The following AK4 variants were observed in gnomAD, a reference collection of about 807,000 sequenced individuals.
The protein encoded by AK4 is adenylate kinase 4, mitochondrial.
In AK4, 13 loss-of-function variants were observed where a neutral mutation model predicts 24.6. That is an observed-to-expected ratio of 0.53 (90% CI 0.34 to 0.84). The LOEUF is 0.84. AK4 is among the 40% of genes least tolerant of loss of function. AK4 has a pLI of 0.01. For missense variants in AK4, 192 were observed against 288.2 expected, an observed-to-expected ratio of 0.67 and a Z score of 2.42; for synonymous variants, 88 against 107.0, an observed-to-expected ratio of 0.82 and a Z score of 1.10.
At chr1:65,215,639 T>C (rs539637155) in intron 2 of AK4, among the ~76,000 whole-genome samples, 5 of 152,340 alleles carry the variant, frequency 3.3e-5, no homozygotes, top group African/African-American at 1.2e-4. Flanking sequence ...CTGTGGTCTT[T>C]AGCAGGTCTG....
intron 1 of AK4, among the ~76,000 whole-genome samples, chr1:65,152,326 C>G (rs1427209400): frequency 3.0e-4 from 9 of 29,630 alleles, no homozygotes; most frequent in Non-Finnish European, 3.5e-4. Context: ...ATCTCTCTCT[C>G]TCTCTCTCTC....
intron 1 of AK4, among the ~76,000 whole-genome samples, chr1:65,163,161 G>A (rs923618918): frequency 2.0e-5 from 3 of 152,162 alleles, no homozygotes; most frequent in East Asian, 1.9e-4. Context: ...GTAACTCGAC[G>A]TTTAATAGTT....
At chr1:65,183,718 G>T (rs918324357) in intron 1 of AK4, among the ~76,000 whole-genome samples, 1 of 149,002 alleles carries the variant, frequency 6.7e-6, no homozygotes, top group African/African-American at 2.5e-5. Flanking sequence ...TGTTCTCATG[G>T]TTTTTCTAAA....
Position 65,229,730 on chromosome 1 carries a change from C to T in AK4, c.*3553C>T, listed in dbSNP as rs907646795. ...GGCTAATCTATGAAGGAAGCAAGCTCGTGTTCCTTACCTATCCTTTTGGTG... is the reference window on the plus strand; with the variant it reads ...GGCTAATCTATGAAGGAAGCAAGCTTGTGTTCCTTACCTATCCTTTTGGTG... On this transcript the variant is annotated 3_prime_UTR_variant, in exon 5 of 5. Coordinates refer to ENST00000327299, the MANE Select transcript of AK4 (RefSeq NM_013410.4). The T allele has an allele frequency of 1.3e-5, 2 of 152,206 alleles. No homozygotes were observed. Among genetic ancestry groups the T allele is most frequent in the Non-Finnish European group, 2.9e-5 (2 of 68,050 alleles). The allele number at this position is 152,206 out of a possible 1,614,324, so 9.4% of individuals were successfully genotyped here. A position where few individuals can be genotyped will look rare whatever the true frequency, so the allele number is the denominator to read the frequency against.
intron 1 of AK4, among the ~76,000 whole-genome samples, chr1:65,180,087 T>C (rs1290311960): frequency 1.3e-5 from 2 of 152,194 alleles, no homozygotes; most frequent in Non-Finnish European, 2.9e-5. Context: ...CTTTAAGTGG[T>C]GCCAGGATTT....
At position 65,177,520 on chromosome 1, in the gene AK4, A is replaced by C. The variant is rs368119971; in HGVS notation, c.146-13190A>C. Among the ~76,000 whole-genome samples the C allele has an allele frequency of 2.8e-4, 43 of 152,300 alleles. 1 individual carries two copies. Among genetic ancestry groups the C allele is most frequent in the African/African-American group, 1.0e-3 (43 of 41,570 alleles). ...GTGAAGCCTTGTACAACCTTCCTTGAGGTGACTTCCGCGTACCTATATGTT... is the reference window on the plus strand; with the variant it reads ...GTGAAGCCTTGTACAACCTTCCTTGCGGTGACTTCCGCGTACCTATATGTT... On this transcript the variant is annotated intron_variant, in intron 1 of 4. Transcript: ENST00000327299.
rs570582445 is a variant in AK4, at chr1:65,229,137, C to T, written c.*2960C>T. The T allele has an allele frequency of 3.9e-5, 6 of 152,184 alleles. No homozygotes were observed. In the South Asian group the frequency reaches 1.2e-3, roughly 32 times the overall value. The allele number at this position is 152,184 out of a possible 1,614,324, so 9.4% of individuals were successfully genotyped here. The stretch of plus-strand genomic sequence containing the variant: ...GTGACCAGTGTAGCCAGGACTCCAG[C>T]CCAGGTTTTCCTGACTCAGAAGACT... On this transcript the variant is annotated 3_prime_UTR_variant, in exon 5 of 5. Transcript: ENST00000327299.
chr1:65,225,654 C>T (rs1464825676), intron 4 of AK4, among the ~76,000 whole-genome samples: 2 of 152,152 alleles, frequency 1.3e-5, no homozygotes, highest in African/African-American at 4.8e-5. Context: ...CAAAATTTAG[C>T]AAACCTTAAG....
chr1:65,171,547 T>G (rs1650525314), intron 1 of AK4, among the ~76,000 whole-genome samples: 1 of 151,938 alleles, frequency 6.6e-6, no homozygotes, highest in Non-Finnish European at 1.5e-5. Flanking sequence ...CCTCCTGATC[T>G]GCCCACCTCG....
chr1:65,166,752 C>G, intron 1 of AK4, among the ~76,000 whole-genome samples: 1 of 152,198 alleles, frequency 6.6e-6, no homozygotes, highest in Non-Finnish European at 1.5e-5. Flanking sequence ...AACTCCTGGA[C>G]TCAAGCAGTT....
intron 1 of AK4, among the ~76,000 whole-genome samples, chr1:65,184,125 T>C (rs1171165294): frequency 6.6e-6 from 1 of 152,256 alleles, no homozygotes; most frequent in Non-Finnish European, 1.5e-5. Context: ...TTCTCAAGGT[T>C]ACCAAGATTA....
intron 1 of AK4, among the ~76,000 whole-genome samples, chr1:65,152,481 C>A (rs1417224466): frequency 6.9e-6 from 1 of 144,034 alleles, no homozygotes; most frequent in Non-Finnish European, 1.5e-5. Flanking sequence ...CGGCTCACTG[C>A]AGCCTCCGCC....
chr1:65,194,554 C>G (rs1651410740), intron 2 of AK4, among the ~76,000 whole-genome samples: 1 of 152,156 alleles, frequency 6.6e-6, no homozygotes, highest in Non-Finnish European at 1.5e-5. Context: ...CTCCACCTCC[C>G]AGGTTCAAGC....
rs1044044099 is a variant in AK4, at chr1:65,227,051, C to T, written c.*874C>T. 2 of 142,388 alleles carry T rather than the reference C, an allele frequency of 1.4e-5. No individual in the cohort carries two copies. Among genetic ancestry groups the T allele is most frequent in the Middle Eastern group, 3.2e-3 (1 of 308 alleles). The allele number at this position is 142,388 out of a possible 1,614,324, so 8.8% of individuals were successfully genotyped here. ...AAAACCCTGAAAGTCTTGGGAACCC[C>T]CTAAAGTCTTTTGGGAATCCTCAAA... On this transcript the variant is annotated 3_prime_UTR_variant, in exon 5 of 5. Coordinates refer to ENST00000327299, the MANE Select transcript of AK4 (RefSeq NM_013410.4).
chr1:65,172,102 TA>T (rs1557444602), intron 1 of AK4, among the ~76,000 whole-genome samples: 30 of 107,042 alleles, frequency 2.8e-4, no homozygotes, highest in African/African-American at 6.6e-4. Context: ...TATATATATA[TA>T]TTTAAACTCA....
intron 1 of AK4, among the ~76,000 whole-genome samples, chr1:65,170,168 A>G (rs1337622064): frequency 6.6e-6 from 1 of 152,056 alleles, no homozygotes; most frequent in Non-Finnish European, 1.5e-5. Flanking sequence ...CGAGGTCAGG[A>G]GATTGAGACC....
At chr1:65,190,571 A>C in intron 1 of AK4, 139 bp from the exon 2 acceptor site, 2 of 969,136 alleles carry the variant, frequency 2.1e-6, no homozygotes, top group Non-Finnish European at 1.5e-6. Flanking sequence ...ATATTTTAAA[A>C]ACTTAAAACA....
intron 1 of AK4, among the ~76,000 whole-genome samples, chr1:65,183,691 G>GTGTGTGTA (rs1553123925): frequency 5.4e-4 from 72 of 134,140 alleles, no homozygotes; most frequent in African/African-American, 1.9e-3. Flanking sequence ...GTGTGTGTGT[G>GTGTGTGTA]TGTATGTATG....
chr1:65,153,155 A>T (rs2100979828), intron 1 of AK4, among the ~76,000 whole-genome samples: 1 of 152,242 alleles, frequency 6.6e-6, no homozygotes, highest in South Asian at 2.1e-4. Flanking sequence ...TTCTTTGAGG[A>T]TTTTCACACA....
Sources: gnomAD v4.1 joint callset for allele counts (sites outside exome capture counted in the v4.1 genomes callset) on GRCh38, gnomAD v4.1.1 for gene constraint, MANE v1.5 for transcripts, NCBI Gene and HGNC (gene_info 2026-07-23, HGNC 2026-07-21) for gene names.